The following PIK3C2G variants were observed in gnomAD, a reference collection of about 807,000 sequenced individuals.
The protein encoded by PIK3C2G is phosphatidylinositol 3-kinase C2 domain-containing subunit gamma.
In PIK3C2G, 168 loss-of-function variants were observed where a neutral mutation model predicts 181.1. The observed-to-expected ratio is 0.93, with a 90% confidence interval of 0.82 to 1.05. The LOEUF (loss-of-function observed/expected upper bound fraction) is 1.05. Ranked by LOEUF, PIK3C2G falls within the 50% of genes least tolerant of loss-of-function variation. PIK3C2G has a pLI of 0.00. For missense variants in PIK3C2G, 1,869 were observed against 1,732.8 expected (o/e 1.08, Z -1.40); for synonymous variants, 573 against 592.2 (o/e 0.97, Z 0.47).
chr12:18,414,262 C>T (rs2135656096), intron 16 of PIK3C2G, among the ~76,000 whole-genome samples: 1 of 152,162 alleles, frequency 6.6e-6, no homozygotes, highest in South Asian at 2.1e-4. Context: ...GTTGGACAAG[C>T]TTTACTTTTA....
intron 29 of PIK3C2G, among the ~76,000 whole-genome samples, chr12:18,592,629 C>T (rs968378819): frequency 1.3e-5 from 2 of 151,772 alleles, no homozygotes; most frequent in African/African-American, 4.8e-5. Context: ...TTGTTTGCAT[C>T]AGGGAAGAGA....
chr12:18,269,748 A>G (rs1948663890), intron 1 of PIK3C2G, among the ~76,000 whole-genome samples: 1 of 152,190 alleles, frequency 6.6e-6, no homozygotes, highest in Non-Finnish European at 1.5e-5. Context: ...AAAGATGACA[A>G]TACACATTAT....
intron 1 of PIK3C2G, among the ~76,000 whole-genome samples, chr12:18,280,363 T>C (rs1949159809): frequency 6.6e-6 from 1 of 151,954 alleles, no homozygotes; most frequent in Non-Finnish European, 1.5e-5. Context: ...CAGTAGAAAA[T>C]ATACAGTAGT....
downstream of PIK3C2G, among the ~76,000 whole-genome samples, chr12:18,652,574 T>TA (rs1169922445): frequency 6.6e-6 from 1 of 152,122 alleles, no homozygotes; most frequent in Non-Finnish European, 1.5e-5. Context: ...ACTAATATAT[T>TA]GGGTCATCAT....
intron 6 of PIK3C2G, 89 bp downstream of exon 6, chr12:18,314,153 T>C (rs1021814696): frequency 1.5e-6 from 1 of 645,824 alleles, no homozygotes; most frequent in African/African-American, 1.8e-5. Context: ...CAACTTGGAA[T>C]TATATAGCTT....
intron 5 of PIK3C2G, among the ~76,000 whole-genome samples, chr12:18,295,826 A>G (rs569861195): frequency 6.6e-6 from 1 of 152,102 alleles, no homozygotes; most frequent in African/African-American, 2.4e-5. Context: ...AATATTTACT[A>G]CTGTTCTAGC....
At chr12:18,627,273 A>C (rs1592748891) in intron 31 of PIK3C2G, among the ~76,000 whole-genome samples, 1 of 152,034 alleles carries the variant, frequency 6.6e-6, no homozygotes, top group Non-Finnish European at 1.5e-5. Flanking sequence ...TTGTTCAAGT[A>C]CTGTTTTCCA....
At chr12:18,467,103 T>C (rs1937967140) in intron 18 of PIK3C2G, among the ~76,000 whole-genome samples, 2 of 152,056 alleles carry the variant, frequency 1.3e-5, no homozygotes, top group Non-Finnish European at 2.9e-5. Flanking sequence ...CATAGTGTAT[T>C]AGGCTTGAAA....
intron 31 of PIK3C2G, among the ~76,000 whole-genome samples, chr12:18,635,896 G>A (rs915181206): frequency 5.3e-5 from 8 of 152,140 alleles, no homozygotes; most frequent in African/African-American, 1.9e-4. Context: ...TTTCTTGGTT[G>A]TAGGAGAAGC....
Position 18,313,998 on chromosome 12 carries a change from A to T in PIK3C2G, c.1071A>T (p.Lys357Asn), listed in dbSNP as rs762493710. Residue 357 changes from lysine to asparagine, a missense_variant, in exon 6 of 33, where the codon AAA (lysine) becomes AAT (asparagine). Lys to Asn is a moderately conservative substitution (Grantham distance 94, BLOSUM62 0). Transcript: ENST00000538779. ...TGGGGAGCCACAAAATGTTTCAAAA[A>T]GATAAATCTGTTATTCAGCTCCACC... ...HCLGSHKMFQ[K>N]DKSVIQLHLQ... The T allele has an allele frequency of 1.9e-6, 3 of 1,592,392 alleles. No homozygotes were observed. The highest frequency in any genetic ancestry group is 2.3e-5 in the East Asian group (1 of 44,286).
At chr12:18,711,202 C>T in the PIK3C2G span, among the ~76,000 whole-genome samples, 1 of 151,494 alleles carries the variant, frequency 6.6e-6, no homozygotes, top group African/African-American at 2.4e-5. Context: ...TACTATGCAA[C>T]CATAAAAAAT....
At chr12:18,288,127 A>C (rs1949535106) in intron 3 of PIK3C2G, among the ~76,000 whole-genome samples, 1 of 152,136 alleles carries the variant, frequency 6.6e-6, no homozygotes, top group Admixed American at 6.6e-5. Context: ...GCGCCACTGC[A>C]CTCTAGCCTG....
At chr12:18,458,722 A>G (rs1241075195) in intron 18 of PIK3C2G, among the ~76,000 whole-genome samples, 1 of 151,966 alleles carries the variant, frequency 6.6e-6, no homozygotes, top group African/African-American at 2.4e-5. Context: ...ACAAAGTGAG[A>G]GATTCAAAGT....
At chr12:18,309,592 C>T (rs1260831560) in intron 5 of PIK3C2G, among the ~76,000 whole-genome samples, 3 of 151,702 alleles carry the variant, frequency 2.0e-5, no homozygotes, top group African/African-American at 7.2e-5. Context: ...GAGGGCTTTT[C>T]CTGAAGACAA....
intron 24 of PIK3C2G, among the ~76,000 whole-genome samples, chr12:18,513,176 G>A (rs947781876): frequency 1.3e-4 from 19 of 151,804 alleles, no homozygotes; most frequent in African/African-American, 4.3e-4. Context: ...CTTTTAATGT[G>A]TTCTGGAATT....
chr12:18,433,945 CT>C (rs1175053774), intron 18 of PIK3C2G, among the ~76,000 whole-genome samples: 1 of 152,174 alleles, frequency 6.6e-6, no homozygotes, highest in East Asian at 1.9e-4. Context: ...ATTGATGGGA[CT>C]TACCCAGAAT....
At chr12:18,540,044 G>C (rs1004018309) in intron 25 of PIK3C2G, among the ~76,000 whole-genome samples, 4 of 151,684 alleles carry the variant, frequency 2.6e-5, no homozygotes, top group Non-Finnish European at 4.4e-5. Context: ...CTGTGATTCT[G>C]ACCCCATTTA....
chr12:18,308,115 C>T (rs764537397), intron 5 of PIK3C2G, among the ~76,000 whole-genome samples: 49 of 151,872 alleles, frequency 3.2e-4, no homozygotes, highest in Non-Finnish European at 6.8e-4. Context: ...GACAGCATAG[C>T]TCTATATCAT....
intron 1 of PIK3C2G, among the ~76,000 whole-genome samples, chr12:18,275,338 TTCA>T (rs1373729218): frequency 2.0e-5 from 3 of 152,092 alleles, no homozygotes; most frequent in African/African-American, 7.2e-5. Context: ...CTTCATTCAC[TTCA>T]TCTTTCTCCT....
Sources: gnomAD v4.1 joint callset for allele counts (sites outside exome capture counted in the v4.1 genomes callset) on GRCh38, gnomAD v4.1.1 for gene constraint, MANE v1.5 for transcripts, NCBI Gene and HGNC (gene_info 2026-07-23, HGNC 2026-07-21) for gene names.